The following CDKAL1 variants were observed in gnomAD, a reference collection of about 807,000 sequenced individuals.
CDKAL1 encodes CDKAL1 threonylcarbamoyladenosine tRNA methylthiotransferase.
CDKAL1 carries 32 observed loss-of-function variants against 68.2 expected under a neutral mutation model. The observed-to-expected ratio is 0.47, with a 90% CI of 0.35 to 0.63. CDKAL1 has a LOEUF of 0.63. CDKAL1 is among the 30% of genes least tolerant of loss of function. The pLI is 0.00. For missense variants in CDKAL1, 606 were observed against 696.7 expected (o/e 0.87, Z 1.47); for synonymous variants, 234 against 244.3 (o/e 0.96, Z 0.39).
chr6:20,548,564 C>G (rs951039618), intron 3 of CDKAL1, 29 bp from the exon 4 acceptor site: 1 of 809,572 alleles, frequency 1.2e-6, no homozygotes, highest in Non-Finnish European at 2.0e-6. Context: ...ATGAAACTTA[C>G]TTTTTTTTTT....
intron 8 of CDKAL1, chr6:20,799,876 C>T (rs1420617577): frequency 1.3e-5 from 2 of 152,202 alleles, no homozygotes; most frequent in African/African-American, 2.4e-5. Flanking sequence ...AAAAACTGTA[C>T]AAATCTAAAA....
At chr6:21,158,374 C>T (rs150322028) in intron 13 of CDKAL1, among the ~76,000 whole-genome samples, 175 of 152,336 alleles carry the variant, frequency 1.1e-3, no homozygotes, top group Non-Finnish European at 1.6e-3. Context: ...TGTCCTGTCA[C>T]TCCAGTGGCA....
chr6:20,857,706 G>A (rs967578068), intron 9 of CDKAL1, among the ~76,000 whole-genome samples: 3 of 152,184 alleles, frequency 2.0e-5, no homozygotes, highest in Admixed American at 1.3e-4. Flanking sequence ...TCTTAATTAC[G>A]TATACCAAAA....
intron 10 of CDKAL1, among the ~76,000 whole-genome samples, chr6:20,998,218 G>T (rs976350573): frequency 6.6e-6 from 1 of 152,200 alleles, no homozygotes; most frequent in Non-Finnish European, 1.5e-5. Flanking sequence ...GAACCTGAAA[G>T]GCAGAGTATT....
intron 11 of CDKAL1, among the ~76,000 whole-genome samples, chr6:21,055,767 A>G (rs1330774900): frequency 3.3e-5 from 5 of 152,128 alleles, no homozygotes; most frequent in African/African-American, 2.4e-5. Flanking sequence ...TATCCAGTCT[A>G]TCATTGATGG....
chr6:20,951,375 A>G (rs956629940), intron 9 of CDKAL1, among the ~76,000 whole-genome samples: 8 of 152,072 alleles, frequency 5.3e-5, no homozygotes, highest in Admixed American at 2.0e-4. Context: ...TTCAAAGAGG[A>G]TTTTCTTTGT....
At chr6:21,071,791 A>G (rs566088380) in intron 12 of CDKAL1, among the ~76,000 whole-genome samples, 2 of 152,142 alleles carry the variant, frequency 1.3e-5, no homozygotes, top group East Asian at 3.9e-4. Flanking sequence ...TCTGACTGAG[A>G]TGGATTTTTG....
chr6:20,789,118 C>G (rs374074477), intron 8 of CDKAL1, among the ~76,000 whole-genome samples: 3 of 152,166 alleles, frequency 2.0e-5, no homozygotes, highest in Non-Finnish European at 4.4e-5. Context: ...TTATATGAAA[C>G]AATTAAATGT....
intron 10 of CDKAL1, among the ~76,000 whole-genome samples, chr6:20,989,198 C>T (rs923901341): frequency 3.3e-5 from 5 of 152,086 alleles, no homozygotes; most frequent in African/African-American, 4.8e-5. Flanking sequence ...CAAACTGTTC[C>T]GCAGACTGCC....
intron 9 of CDKAL1, among the ~76,000 whole-genome samples, chr6:20,851,221 C>G (rs1758993444): frequency 6.6e-6 from 1 of 152,054 alleles, no homozygotes; most frequent in South Asian, 2.1e-4. Flanking sequence ...TTAAAAATTC[C>G]TAGGATTAAC....
At chr6:20,693,507 C>T (rs1356354864) in intron 5 of CDKAL1, among the ~76,000 whole-genome samples, 1 of 152,162 alleles carries the variant, frequency 6.6e-6, no homozygotes, top group Non-Finnish European at 1.5e-5. Context: ...TCTCCCTTCC[C>T]TCAAAACAGG....
intron 13 of CDKAL1, among the ~76,000 whole-genome samples, chr6:21,195,723 C>T (rs942279040): frequency 8.1e-5 from 12 of 148,882 alleles, no homozygotes; most frequent in Non-Finnish European, 1.3e-4. Context: ...GTTACCCAGG[C>T]GGTCTCAAAC....
At chr6:20,900,558 TTAA>T (rs759196317) in intron 9 of CDKAL1, among the ~76,000 whole-genome samples, 1 of 152,242 alleles carries the variant, frequency 6.6e-6, no homozygotes. Context: ...GCTGTTAAAC[TTAA>T]TGATGAGGCT....
intron 9 of CDKAL1, among the ~76,000 whole-genome samples, chr6:20,954,338 ACT>A (rs1764678050): frequency 6.6e-6 from 1 of 151,892 alleles, no homozygotes; most frequent in African/African-American, 2.4e-5. Flanking sequence ...TATTTTTGAA[ACT>A]CTTCTGTTCT....
chr6:21,056,459 T>C (rs1272630186), intron 11 of CDKAL1, among the ~76,000 whole-genome samples: 3 of 152,174 alleles, frequency 2.0e-5, no homozygotes, highest in Non-Finnish European at 2.9e-5. Flanking sequence ...TGTGATCATA[T>C]CATCTGCAAA....
At chr6:20,637,258 A>T (rs190133080) in intron 4 of CDKAL1, among the ~76,000 whole-genome samples, 1 of 151,864 alleles carries the variant, frequency 6.6e-6, no homozygotes, top group East Asian at 1.9e-4. Context: ...TTGATAATGA[A>T]GGGGGAGTAA....
intron 8 of CDKAL1, among the ~76,000 whole-genome samples, chr6:20,842,606 T>C (rs916469283): frequency 7.9e-5 from 12 of 152,088 alleles, no homozygotes; most frequent in African/African-American, 2.9e-4. Flanking sequence ...CCAAGGCGGG[T>C]GGATCACCTG....
intron 9 of CDKAL1, among the ~76,000 whole-genome samples, chr6:20,871,942 A>G (rs1031831502): frequency 1.1e-4 from 16 of 152,192 alleles, no homozygotes; most frequent in Admixed American, 2.6e-4. Flanking sequence ...TAAGAACACA[A>G]TAGGCTTGGA....
At chr6:20,582,614 A>G (rs1765184706) in intron 4 of CDKAL1, among the ~76,000 whole-genome samples, 1 of 152,076 alleles carries the variant, frequency 6.6e-6, no homozygotes, top group African/African-American at 2.4e-5. Flanking sequence ...GAATCTATTT[A>G]CGTTGTGGTC....
Sources: gnomAD v4.1 joint callset for allele counts (sites outside exome capture counted in the v4.1 genomes callset) on GRCh38, gnomAD v4.1.1 for gene constraint, MANE v1.5 for transcripts, NCBI Gene and HGNC (gene_info 2026-07-23, HGNC 2026-07-21) for gene names.